The following RIT2 variants were observed in gnomAD, a reference collection of about 807,000 sequenced individuals.
RIT2 encodes the protein Ras like without CAAX 2.
In RIT2, 24 loss-of-function variants were observed where a neutral mutation model predicts 23.7. The observed-to-expected ratio is 1.01, with a 90% confidence interval of 0.73 to 1.43. The LOEUF is 1.43. RIT2 is among the 40% of genes most tolerant of loss of function. RIT2 has a pLI of 0.00. For synonymous variants in RIT2, 107 were observed against 91.1 expected (o/e 1.17, Z -0.99); for missense variants, 236 against 266.9 (o/e 0.88, Z 0.81).
intron 1 of RIT2, among the ~76,000 whole-genome samples, chr18:43,069,162 C>A (rs1227900742): frequency 6.6e-6 from 1 of 152,132 alleles, no homozygotes; most frequent in African/African-American, 2.4e-5. Context: ...TCCTTTATCA[C>A]AAACCCTTGT....
Position 43,052,858 on chromosome 18 carries a change from G to T in RIT2, c.104-18991C>A, listed in dbSNP as rs139401057. Among the ~76,000 whole-genome samples, 226 of 152,102 alleles carry T rather than the reference G, an allele frequency of 1.5e-3. 1 individual carries two copies. Among genetic ancestry groups the T allele is most frequent in the Non-Finnish European group, 2.7e-3 (185 of 67,972 alleles). On this transcript the variant is annotated intron_variant, in intron 1 of 4. Coordinates refer to ENST00000326695, the MANE Select transcript of RIT2 (RefSeq NM_002930.4). ...TATCAAAGCAAGTGCAGAGAAAGTG[G>T]CCAGGAGTGAGCAGGAGATAACAGT...
chr18:43,051,123 C>T (rs556498232), intron 1 of RIT2, among the ~76,000 whole-genome samples: 9 of 152,058 alleles, frequency 5.9e-5, no homozygotes, highest in African/African-American at 1.7e-4. Context: ...TAGGATCTGA[C>T]GGTATCTCCA....
intron 1 of RIT2, among the ~76,000 whole-genome samples, chr18:43,057,562 T>G (rs1912534048): frequency 6.6e-6 from 1 of 152,194 alleles, no homozygotes; most frequent in African/African-American, 2.4e-5. Flanking sequence ...TGGATCATTC[T>G]GAAAAGTTTT....
At chr18:42,745,401 G>A (rs1456220397) in intron 4 of RIT2, among the ~76,000 whole-genome samples, 2 of 152,068 alleles carry the variant, frequency 1.3e-5, no homozygotes, top group Non-Finnish European at 2.9e-5. Context: ...GGCTGAGCTG[G>A]GGTGTAAAAA....
At chr18:43,047,396 C>T (rs1391431402) in intron 1 of RIT2, among the ~76,000 whole-genome samples, 2 of 152,028 alleles carry the variant, frequency 1.3e-5, no homozygotes, top group Admixed American at 1.3e-4. Context: ...TAATGCTGTG[C>T]TTAATCAATA....
intron 4 of RIT2, among the ~76,000 whole-genome samples, chr18:42,848,010 G>T (rs934318329): frequency 1.3e-5 from 2 of 151,116 alleles, no homozygotes; most frequent in Non-Finnish European, 1.5e-5. Context: ...TATAATGAGA[G>T]ACATTACCCA....
chr18:42,791,071 T>C (rs528535674), intron 4 of RIT2, among the ~76,000 whole-genome samples: 1 of 152,352 alleles, frequency 6.6e-6, no homozygotes, highest in African/African-American at 2.4e-5. Flanking sequence ...ATAAGCAATC[T>C]AATGTGGCAA....
At chr18:43,000,099 A>G (rs983360110) in intron 2 of RIT2, among the ~76,000 whole-genome samples, 4 of 152,124 alleles carry the variant, frequency 2.6e-5, no homozygotes, top group Admixed American at 2.6e-4. Context: ...ATCTCAGTTG[A>G]CAAAATGAAG....
chr18:42,945,374 A>T (rs1909704308), intron 3 of RIT2, among the ~76,000 whole-genome samples: 1 of 151,656 alleles, frequency 6.6e-6, no homozygotes, highest in Non-Finnish European at 1.5e-5. Context: ...TATTTGTCCC[A>T]TGTGAGTGAA....
intron 1 of RIT2, among the ~76,000 whole-genome samples, chr18:43,090,807 G>A (rs1913405753): frequency 6.6e-6 from 1 of 152,034 alleles, no homozygotes; most frequent in Non-Finnish European, 1.5e-5. Context: ...TCGCTTATAA[G>A]TTGGAGCTAA....
chr18:43,004,333 AGAGT>A (rs1454722436), intron 2 of RIT2, among the ~76,000 whole-genome samples: 1 of 151,916 alleles, frequency 6.6e-6, no homozygotes, highest in Non-Finnish European at 1.5e-5. Context: ...TACTCTGCTT[AGAGT>A]GAGTTTAGCT....
In RIT2 at chr18:42,743,371, C is replaced by G; in HGVS notation, c.*122G>C. On this transcript the variant is annotated 3_prime_UTR_variant, in exon 5 of 5. Transcript: ENST00000326695. ...ACAGATATGCAGAGCTTGCTTTTAC[C>G]TACAGGCAGATATTTAAAGAGAGAG... 3 of 741,806 alleles carry G rather than the reference C, an allele frequency of 4.0e-6. No homozygotes were observed. In the East Asian group the frequency reaches 7.8e-5, roughly 19 times the overall value. 46.0% of individuals were successfully genotyped at this position (741,806 alleles called of 1,614,324 possible). A position where few individuals can be genotyped will look rare whatever the true frequency, so the allele number is the denominator to read the frequency against.
intron 3 of RIT2, among the ~76,000 whole-genome samples, chr18:42,964,134 C>T (rs930085552): frequency 6.0e-5 from 9 of 150,908 alleles, no homozygotes; most frequent in Non-Finnish European, 7.4e-5. Context: ...GAGGTTGCAG[C>T]GAGCCGAGAT....
At chr18:42,870,051 A>C (rs1907582295) in intron 4 of RIT2, among the ~76,000 whole-genome samples, 1 of 152,198 alleles carries the variant, frequency 6.6e-6, no homozygotes. Flanking sequence ...ATTGTGCCTC[A>C]CATGGCAAAC....
intron 4 of RIT2, among the ~76,000 whole-genome samples, chr18:42,853,400 T>C (rs557143508): frequency 4.6e-5 from 7 of 152,342 alleles, no homozygotes; most frequent in Middle Eastern, 3.4e-3. Context: ...TCAGACTACG[T>C]TGAAACATAG....
intron 4 of RIT2, among the ~76,000 whole-genome samples, chr18:42,815,805 CA>C (rs1250818159): frequency 6.6e-6 from 1 of 152,110 alleles, no homozygotes; most frequent in African/African-American, 2.4e-5. Context: ...ACAAATCACT[CA>C]AAATCCAATT....
chr18:42,798,151 G>A (rs555292840), intron 4 of RIT2, among the ~76,000 whole-genome samples: 23 of 152,240 alleles, frequency 1.5e-4, no homozygotes, highest in Non-Finnish European at 2.6e-4. Context: ...GCATATATGC[G>A]TTGAGATTGT....
At chr18:42,979,229 T>C (rs1188284918) in intron 2 of RIT2, among the ~76,000 whole-genome samples, 1 of 152,076 alleles carries the variant, frequency 6.6e-6, no homozygotes, top group African/African-American at 2.4e-5. Context: ...ATAAACATAT[T>C]CATTTACATA....
At chr18:43,003,426 C>T (rs1042600248) in intron 2 of RIT2, among the ~76,000 whole-genome samples, 2 of 151,898 alleles carry the variant, frequency 1.3e-5, no homozygotes, top group East Asian at 2.0e-4. Flanking sequence ...ACCTTAATTA[C>T]AAACAGTAAT....
Sources: allele counts gnomAD v4.1 joint callset (sites outside exome capture counted in the v4.1 genomes callset), GRCh38; gene constraint gnomAD v4.1.1; transcripts MANE v1.5; gene names NCBI Gene and HGNC (gene_info 2026-07-23, HGNC 2026-07-21).